Variants in PRTG observed in about 807,000 individuals in gnomAD.
PRTG encodes the protein protogenin.
Under a neutral mutation model 122.5 loss-of-function variants are expected in PRTG, and 67 were observed. The observed-to-expected ratio is 0.55, with a 90% CI of 0.45 to 0.67. The LOEUF is 0.67. PRTG is among the 30% of genes least tolerant of loss of function. PRTG has a pLI of 0.00. For synonymous variants in PRTG, 554 were observed against 501.1 expected (o/e 1.11, Z -1.41); for missense variants, 1,435 against 1,415.4 (o/e 1.01, Z -0.22).
intron 2 of PRTG, among the ~76,000 whole-genome samples, chr15:55,730,487 CTTTA>C (rs1441122983): frequency 6.6e-6 from 1 of 151,846 alleles, no homozygotes; most frequent in Non-Finnish European, 1.5e-5. Context: ...CAGGGAAAAG[CTTTA>C]TTTAAGCACT....
intron 11 of PRTG, among the ~76,000 whole-genome samples, 160 bp from the exon 12 acceptor site, chr15:55,641,368 G>T (rs774356824): frequency 6.6e-6 from 1 of 152,122 alleles, no homozygotes; most frequent in African/African-American, 2.4e-5. Flanking sequence ...ATCCACCTTC[G>T]TATGACACTG....
intron 11 of PRTG, among the ~76,000 whole-genome samples, chr15:55,642,642 T>C (rs117385221): frequency 0.025 from 3,795 of 151,262 alleles, 62 homozygotes; most frequent in Non-Finnish European, 0.042. Context: ...ATAATATATT[T>C]GTCTATTATA....
chr15:55,643,373 T>C (rs2059303199), intron 11 of PRTG, among the ~76,000 whole-genome samples: 1 of 152,182 alleles, frequency 6.6e-6, no homozygotes, highest in Non-Finnish European at 1.5e-5. Context: ...TATTTGACTA[T>C]CAGAAAACAC....
At chr15:55,738,196 C>T (rs2031498262) in intron 2 of PRTG, 1 of 249,958 alleles carries the variant, frequency 4.0e-6, no homozygotes, top group Admixed American at 5.6e-5. Flanking sequence ...ATAAAAACTT[C>T]ACCACAACTG....
chr15:55,738,023 T>TACACACACAC (rs1315571063), intron 2 of PRTG, among the ~76,000 whole-genome samples: 85 of 96,198 alleles, frequency 8.8e-4, no homozygotes, highest in African/African-American at 3.1e-3. Context: ...TATATATATA[T>TACACACACAC]ATACACACAC....
chr15:55,626,567 G>A (rs1052300329), intron 17 of PRTG, among the ~76,000 whole-genome samples: 7 of 150,172 alleles, frequency 4.7e-5, no homozygotes, highest in East Asian at 2.0e-4. Flanking sequence ...TGGCTAACAC[G>A]GTGAAACCCC....
chr15:55,739,213 A>G (rs1365380765), intron 2 of PRTG, among the ~76,000 whole-genome samples: 1 of 152,128 alleles, frequency 6.6e-6, no homozygotes, highest in Non-Finnish European at 1.5e-5. Flanking sequence ...CTAAATTTCA[A>G]TTGTATAGAA....
At chr15:55,657,484 A>T (rs1171361005) in intron 11 of PRTG, among the ~76,000 whole-genome samples, 2 of 152,220 alleles carry the variant, frequency 1.3e-5, no homozygotes, top group African/African-American at 4.8e-5. Context: ...GTGATCCTAG[A>T]TACAACAGGA....
In PRTG at chr15:55,689,625, C is replaced by T. The variant is rs540886000; in HGVS notation, c.398-5694G>A. Among the ~76,000 whole-genome samples, 25 of 64,568 alleles carry T rather than the reference C, an allele frequency of 3.9e-4. No homozygotes were observed. In the East Asian group the frequency reaches 0.011, roughly 27 times the overall value. 42.4% of individuals were successfully genotyped at this position (64,568 alleles called of 152,430 possible). On this transcript the variant is annotated intron_variant, in intron 2 of 19. Coordinates refer to ENST00000389286, the MANE Select transcript of PRTG (RefSeq NM_173814.6). ...CACGTTGTGCACATGTACCCTAGAACTTAAATTAAAAAAAAAAAAAGGCCA... is the reference window on the plus strand; with the variant it reads ...CACGTTGTGCACATGTACCCTAGAATTTAAATTAAAAAAAAAAAAAGGCCA...
intron 18 of PRTG, 44 bp downstream of exon 18, chr15:55,624,298 G>A (rs781007662): frequency 1.3e-6 from 2 of 1,580,828 alleles, no homozygotes; most frequent in Non-Finnish European, 1.7e-6. Context: ...ACAGGGAGGA[G>A]GAATGGAAGA....
At chr15:55,741,244 G>T (rs1359542886) in intron 1 of PRTG, among the ~76,000 whole-genome samples, 1 of 152,112 alleles carries the variant, frequency 6.6e-6, no homozygotes, top group Non-Finnish European at 1.5e-5. Flanking sequence ...TCCTCTCCTT[G>T]AAAGAAATCC....
intron 2 of PRTG, chr15:55,738,316 C>G (rs1248760981): frequency 2.1e-6 from 1 of 481,046 alleles, no homozygotes; most frequent in Non-Finnish European, 3.6e-6. Context: ...TTTGTTACAC[C>G]TATCACACAC....
At chr15:55,656,193 TC>T (rs1354063725) in intron 11 of PRTG, 2 of 288,610 alleles carry the variant, frequency 6.9e-6, no homozygotes, top group South Asian at 3.4e-5. Flanking sequence ...TAACTGCTTT[TC>T]CCCACAAGAA....
intron 2 of PRTG, among the ~76,000 whole-genome samples, chr15:55,718,168 C>T (rs2030670190): frequency 1.3e-5 from 2 of 152,126 alleles, no homozygotes; most frequent in African/African-American, 2.4e-5. Context: ...TATTTTCTTC[C>T]GCAATGCCAC....
rs538418572 is a variant in PRTG at position 55,619,893 on chromosome 15, G to A, written c.*119C>T. On this transcript the variant is annotated 3_prime_UTR_variant, in exon 20 of 20. Transcript: ENST00000389286. The stretch of plus-strand genomic sequence containing the variant: ...GGAAAATCATTTTTATCAAAGCATA[G>A]CATGGCAGATGGCGGCTGCAGAACT... 1.3e-5 allele frequency: 19 copies of A among 1,504,230 alleles called. No individual in the cohort carries two copies. In the East Asian group the frequency reaches 3.4e-4, roughly 27 times the overall value. 93.2% of individuals were successfully genotyped at this position (1,504,230 alleles called of 1,614,324 possible). A position where few individuals can be genotyped will look rare whatever the true frequency, so the allele number is the denominator to read the frequency against.
At chr15:55,632,000 A>C (rs2141722239) in intron 15 of PRTG, among the ~76,000 whole-genome samples, 1 of 152,318 alleles carries the variant, frequency 6.6e-6, no homozygotes, top group East Asian at 1.9e-4. Context: ...GAAGTGCCCC[A>C]GGATACAATC....
chr15:55,627,630 A>G (rs2059203102), intron 16 of PRTG, among the ~76,000 whole-genome samples: 3 of 151,160 alleles, frequency 2.0e-5, no homozygotes, highest in African/African-American at 4.9e-5. Flanking sequence ...GTGAGCCACC[A>G]CGCCCGGCCC....
At chr15:55,700,873 T>A (rs1357174470) in intron 2 of PRTG, among the ~76,000 whole-genome samples, 14 of 152,034 alleles carry the variant, frequency 9.2e-5, no homozygotes, top group Admixed American at 9.2e-4. Context: ...AATTTTAAAA[T>A]CACATACTGA....
intron 2 of PRTG, among the ~76,000 whole-genome samples, chr15:55,723,546 A>G (rs2030907779): frequency 6.6e-6 from 1 of 152,012 alleles, no homozygotes; most frequent in Non-Finnish European, 1.5e-5. Context: ...AATTTTCTGA[A>G]TTTGATGAAA....
Sources: gnomAD v4.1 joint callset for allele counts (sites outside exome capture counted in the v4.1 genomes callset) on GRCh38, gnomAD v4.1.1 for gene constraint, MANE v1.5 for transcripts, NCBI Gene and HGNC (gene_info 2026-07-23, HGNC 2026-07-21) for gene names.